Variants in AFF3 observed in about 807,000 individuals in gnomAD.
AFF3 encodes the protein AF4/FMR2 family member 3.
AFF3 carries 32 observed loss-of-function variants against 129.7 expected under a neutral mutation model. That is an observed-to-expected ratio of 0.25 (90% CI 0.19 to 0.33). The LOEUF (loss-of-function observed/expected upper bound fraction) is 0.33, where lower values mean the gene tolerates loss of function less well. Ranked by LOEUF, AFF3 falls within the 10% of genes least tolerant of loss-of-function variation. The pLI, the probability that AFF3 is intolerant of heterozygous loss-of-function variation, is 1.00. For missense variants in AFF3, 1,373 were observed against 1,592.0 expected (o/e 0.86, Z 2.34); for synonymous variants, 644 against 635.4 (o/e 1.01, Z -0.20).
chr2:99,719,724 G>A (rs770010772), intron 11 of AFF3, among the ~76,000 whole-genome samples: 1 of 152,112 alleles, frequency 6.6e-6, no homozygotes, highest in Non-Finnish European at 1.5e-5. Flanking sequence ...TATCTTTTCT[G>A]TCTTCTGGCT....
rs534565093 is a variant in AFF3, at chr2:99,937,269, A to C, written c.873+69363T>G. Among the ~76,000 whole-genome samples, 42 of 150,624 alleles carry C rather than the reference A, an allele frequency of 2.8e-4. No individual in the cohort carries two copies. In the South Asian group the frequency reaches 8.9e-3, roughly 32 times the overall value. ...TGGATTTTCAGATTTGGGATGCTCA[A>C]CCTGGATAAGAGCCAGTGATGTCCT... On this transcript the variant is annotated intron_variant, in intron 7 of 24. Transcript: ENST00000672756.
At chr2:99,898,863 A>G (rs2106130905) in intron 7 of AFF3, among the ~76,000 whole-genome samples, 1 of 152,258 alleles carries the variant, frequency 6.6e-6, no homozygotes, top group African/African-American at 2.4e-5. Flanking sequence ...GCTTTGGCCA[A>G]CGCTGACTCC....
intron 4 of AFF3, among the ~76,000 whole-genome samples, chr2:100,038,387 G>T (rs537360231): frequency 1.3e-5 from 2 of 151,494 alleles, no homozygotes; most frequent in African/African-American, 2.4e-5. Context: ...AAAAAAAAAG[G>T]GCTCATTTAT....
chr2:99,875,468 C>T (rs1692215994), intron 7 of AFF3, among the ~76,000 whole-genome samples: 1 of 152,196 alleles, frequency 6.6e-6, no homozygotes, highest in Admixed American at 6.5e-5. Context: ...AGTTATCTAT[C>T]TTCCTCCAAC....
chr2:99,655,288 A>G (rs976131130), intron 12 of AFF3, among the ~76,000 whole-genome samples: 6 of 151,664 alleles, frequency 4.0e-5, no homozygotes, highest in African/African-American at 1.5e-4. Flanking sequence ...TCCAAGGGGC[A>G]TGGCTGAAGA....
At chr2:99,744,462 A>G (rs1479473494) in intron 9 of AFF3, among the ~76,000 whole-genome samples, 1 of 152,198 alleles carries the variant, frequency 6.6e-6, no homozygotes, top group Non-Finnish European at 1.5e-5. Context: ...TTGTGCAACC[A>G]CTACCTCTAT....
At chr2:99,742,634 G>T (rs745439166) in intron 10 of AFF3, among the ~76,000 whole-genome samples, 1 of 152,202 alleles carries the variant, frequency 6.6e-6, no homozygotes, top group Non-Finnish European at 1.5e-5. Context: ...TCAACAGAGT[G>T]GGATGAAAAG....
chr2:99,611,391 T>C (rs571630269), intron 13 of AFF3, among the ~76,000 whole-genome samples: 2 of 152,358 alleles, frequency 1.3e-5, no homozygotes, highest in East Asian at 1.9e-4. Context: ...CTGAGCGTTT[T>C]TGGTATTATA....
Position 99,573,231 on chromosome 2 carries a change from C to T in AFF3, c.2919-4316G>A, listed in dbSNP as rs995242684. Among the ~76,000 whole-genome samples the T allele has an allele frequency of 2.8e-4, 43 of 151,972 alleles. 1 individual carries two copies. Among genetic ancestry groups the T allele is most frequent in the African/African-American group, 9.7e-4 (40 of 41,284 alleles). Reference sequence around the variant, plus strand: ...GTCCTTGTCTCCGCACCCTGTCCCCCGCACCCCTTTGCAAATCCTACTTCA... The same window carrying T: ...GTCCTTGTCTCCGCACCCTGTCCCCTGCACCCCTTTGCAAATCCTACTTCA... On this transcript the variant is annotated intron_variant, in intron 18 of 24. Coordinates refer to ENST00000672756, the MANE Select transcript of AFF3 (RefSeq NM_001386135.1).
In AFF3 at chr2:99,685,372, A is replaced by G. The variant is rs145373078; in HGVS notation, c.1092-12783T>C. 3.1e-3 allele frequency among the ~76,000 whole-genome samples: 478 copies of G among 152,304 alleles called. 4 individuals are homozygous for G. The highest frequency in any genetic ancestry group is 0.011 in the African/African-American group (459 of 41,564). ...TGCCAACATGCCTCTCTATACACCA[A>G]TTACATTCTACTGGGAGTTGTTCAA... On this transcript the variant is annotated intron_variant, in intron 11 of 24. Transcript: ENST00000672756.
At chr2:99,956,331 C>T (rs188336255) in intron 7 of AFF3, among the ~76,000 whole-genome samples, 22 of 152,080 alleles carry the variant, frequency 1.4e-4, no homozygotes, top group Non-Finnish European at 2.4e-4. Context: ...CCTTTATTGA[C>T]GTGGGGGAAA....
At chr2:99,588,405 T>TGGGCTCAAGCGATCCTCCCACCTTG (rs1678337975) in intron 15 of AFF3, among the ~76,000 whole-genome samples, 1 of 152,176 alleles carries the variant, frequency 6.6e-6, no homozygotes, top group African/African-American at 2.4e-5. Flanking sequence ...CTCAAACTCC[T>TGGGCTCAAGCGATCCTCCCACCTTG]GGGCTCAAGC....
At chr2:100,061,097 A>T (rs951220438) in intron 4 of AFF3, among the ~76,000 whole-genome samples, 6 of 152,126 alleles carry the variant, frequency 3.9e-5, no homozygotes, top group Non-Finnish European at 5.9e-5. Flanking sequence ...ACATCCTGTC[A>T]AGGTGTGACA....
At chr2:99,915,689 T>C (rs1369122321) in intron 7 of AFF3, among the ~76,000 whole-genome samples, 2 of 152,228 alleles carry the variant, frequency 1.3e-5, no homozygotes, top group African/African-American at 2.4e-5. Context: ...CCATGAATTA[T>C]GTAGCCAGTC....
At chr2:99,791,292 G>T (rs1685170005) in intron 8 of AFF3, among the ~76,000 whole-genome samples, 2 of 152,150 alleles carry the variant, frequency 1.3e-5, no homozygotes, top group South Asian at 4.1e-4. Context: ...AAAATCTACG[G>T]ATGCTTATAT....
chr2:99,761,976 T>A (rs934334927), intron 8 of AFF3, among the ~76,000 whole-genome samples: 1 of 152,016 alleles, frequency 6.6e-6, no homozygotes, highest in African/African-American at 2.4e-5. Context: ...CCCCAGGCTT[T>A]CCTGCCCCCA....
intron 4 of AFF3, among the ~76,000 whole-genome samples, chr2:100,047,443 A>T (rs1426689467): frequency 1.3e-5 from 2 of 152,188 alleles, no homozygotes; most frequent in South Asian, 2.1e-4. Context: ...GTAAATGCTG[A>T]GTCTTACAAT....
chr2:99,977,252 C>T (rs1386650605), intron 7 of AFF3, among the ~76,000 whole-genome samples: 4 of 152,152 alleles, frequency 2.6e-5, no homozygotes, highest in African/African-American at 7.2e-5. Flanking sequence ...CAGCCCAGGA[C>T]ATCTAGAGAG....
At chr2:100,014,366 T>C (rs1031474920) in intron 4 of AFF3, among the ~76,000 whole-genome samples, 4 of 152,200 alleles carry the variant, frequency 2.6e-5, no homozygotes, top group African/African-American at 9.6e-5. Context: ...ATGTTTTGCA[T>C]GTTTTTAAAA....
Sources: allele counts gnomAD v4.1 joint callset (sites outside exome capture counted in the v4.1 genomes callset), GRCh38; gene constraint gnomAD v4.1.1; transcripts MANE v1.5; gene names NCBI Gene and HGNC (gene_info 2026-07-23, HGNC 2026-07-21).